FCHO2: variants seen among roughly 807,000 people sequenced by gnomAD.
FCHO2 encodes F-BAR domain only protein 2.
Under a neutral mutation model 114.1 loss-of-function variants are expected in FCHO2, and 43 were observed. The observed-to-expected ratio is 0.38, with a 90% CI of 0.30 to 0.49. FCHO2 has a LOEUF of 0.49. Ranked by LOEUF, FCHO2 falls within the 20% of genes least tolerant of loss-of-function variation. The probability of loss-of-function intolerance (pLI) is 0.97; values close to 1 mark genes in which losing one functional copy is unlikely to be tolerated. For missense variants in FCHO2, 807 were observed against 950.4 expected (o/e 0.85, Z 1.98); for synonymous variants, 293 against 315.2 (o/e 0.93, Z 0.75).
At chr5:73,010,069 G>C (rs1754923835) in intron 6 of FCHO2, among the ~76,000 whole-genome samples, 1 of 152,134 alleles carries the variant, frequency 6.6e-6, no homozygotes, top group Non-Finnish European at 1.5e-5. Flanking sequence ...TAGTTTAGAA[G>C]GGAAAGTAAT....
chr5:72,991,462 G>T (rs1753807433), intron 5 of FCHO2, among the ~76,000 whole-genome samples: 1 of 152,162 alleles, frequency 6.6e-6, no homozygotes, highest in Non-Finnish European at 1.5e-5. Flanking sequence ...TAACCATGAG[G>T]TAAAATTGTT....
At chr5:72,960,442 T>C (rs1252704716) in intron 1 of FCHO2, among the ~76,000 whole-genome samples, 2 of 152,178 alleles carry the variant, frequency 1.3e-5, no homozygotes, top group Non-Finnish European at 2.9e-5. Context: ...GCAAAAATAA[T>C]TTTACTAGTA....
rs1454525423 is a variant in FCHO2, at chr5:73,058,312, T to TA, written c.1254-119dup. On this transcript the variant is annotated intron_variant, in intron 16 of 25. Transcript: ENST00000430046. ...AGGTGTGAGCCATGGTGCCTGGCCC[T>TA]AACTTTTTAATTATGTATATTGAGC... The TA allele has an allele frequency of 1.8e-5, 11 of 620,994 alleles. No homozygotes were observed. The Admixed American group carries it at 1.8e-4, about 10-fold the overall frequency. 38.5% of individuals were successfully genotyped at this position (620,994 alleles called of 1,614,324 possible).
At chr5:73,028,975 T>C (rs971904321) in intron 8 of FCHO2, among the ~76,000 whole-genome samples, 3 of 152,112 alleles carry the variant, frequency 2.0e-5, no homozygotes, top group African/African-American at 4.8e-5. Context: ...TATATAACTT[T>C]CTAGAAAATG....
At position 72,996,836 on chromosome 5, in the gene FCHO2, G is replaced by A. The variant is rs528381365; in HGVS notation, c.495+5972G>A. The A allele has an allele frequency of 2.6e-5, 24 of 935,042 alleles. No individual in the cohort carries two copies. In the African/African-American group the frequency reaches 3.9e-4, roughly 15 times the overall value. 57.9% of individuals were successfully genotyped at this position (935,042 alleles called of 1,614,324 possible). On this transcript the variant is annotated intron_variant, in intron 5 of 25. Transcript: ENST00000430046. ...CTTAGGGCTGCCGTTCCCCCTCCCG[G>A]CAACGGGGGGCTGGCGGAGCTGTGC...
intron 20 of FCHO2, among the ~76,000 whole-genome samples, chr5:73,076,181 T>C (rs1161315090): frequency 6.6e-6 from 1 of 152,128 alleles, no homozygotes; most frequent in Non-Finnish European, 1.5e-5. Flanking sequence ...CTGATGCTGC[T>C]TGACAGGTCA....
At chr5:73,028,044 C>G (rs953171929) in intron 8 of FCHO2, among the ~76,000 whole-genome samples, 2 of 151,850 alleles carry the variant, frequency 1.3e-5, no homozygotes, top group Non-Finnish European at 2.9e-5. Context: ...CAAAAAAATA[C>G]AAAAATTAGG....
intron 10 of FCHO2, among the ~76,000 whole-genome samples, chr5:73,039,008 C>G (rs1407650289): frequency 6.6e-6 from 1 of 152,112 alleles, no homozygotes; most frequent in African/African-American, 2.4e-5. Flanking sequence ...GTTTTTAAAA[C>G]AGTTTTCCTT....
chr5:72,959,585 T>C (rs1751739659), intron 1 of FCHO2, among the ~76,000 whole-genome samples: 1 of 152,194 alleles, frequency 6.6e-6, no homozygotes, highest in Non-Finnish European at 1.5e-5. Context: ...AATTTAACTC[T>C]TCCCTCTAGC....
At chr5:73,027,355 C>A (rs1191915310) in intron 8 of FCHO2, among the ~76,000 whole-genome samples, 1 of 149,994 alleles carries the variant, frequency 6.7e-6, no homozygotes, top group African/African-American at 2.4e-5. Flanking sequence ...TATTTTCTCC[C>A]AGTCTGGCTT....
chr5:73,059,706 G>A (rs1580183237), intron 17 of FCHO2, among the ~76,000 whole-genome samples: 1 of 152,060 alleles, frequency 6.6e-6, no homozygotes, highest in Non-Finnish European at 1.5e-5. Flanking sequence ...CTTAATACTT[G>A]TAAAACAGCA....
chr5:73,034,266 C>T (rs749466423), intron 8 of FCHO2, among the ~76,000 whole-genome samples: 1 of 152,024 alleles, frequency 6.6e-6, no homozygotes, highest in East Asian at 1.9e-4. Flanking sequence ...TCTTGGTAGC[C>T]CTGTTCTTCC....
chr5:72,981,179 A>G (rs1753190554), intron 2 of FCHO2, among the ~76,000 whole-genome samples: 1 of 151,972 alleles, frequency 6.6e-6, no homozygotes, highest in African/African-American at 2.4e-5. Context: ...TCTGTAAAGG[A>G]TTTTATTTCT....
intron 10 of FCHO2, among the ~76,000 whole-genome samples, chr5:73,038,519 C>T (rs1756645973): frequency 1.3e-5 from 2 of 152,202 alleles, no homozygotes; most frequent in South Asian, 4.1e-4. Context: ...CCCAGCTTCC[C>T]TAGCATAATC....
intron 19 of FCHO2, 138 bp from the exon 20 acceptor site, chr5:73,074,604 C>G: frequency 2.8e-6 from 2 of 707,818 alleles, no homozygotes; most frequent in Middle Eastern, 3.1e-4. Context: ...TATTTCTTAG[C>G]CCCCAGATTT....
chr5:72,965,004 T>TA (rs547076357), intron 1 of FCHO2, among the ~76,000 whole-genome samples: 1,605 of 143,320 alleles, frequency 0.011, 18 homozygotes, highest in African/African-American at 0.029. Flanking sequence ...GTTATCAGAT[T>TA]AAAAAAAAAA....
At chr5:73,059,463 C>G (rs2112853844) in intron 17 of FCHO2, among the ~76,000 whole-genome samples, 1 of 152,194 alleles carries the variant, frequency 6.6e-6, no homozygotes, top group Admixed American at 6.5e-5. Flanking sequence ...GGTTTCAAAC[C>G]TGGCTCTTAC....
intron 1 of FCHO2, among the ~76,000 whole-genome samples, chr5:72,956,670 C>G (rs907847455): frequency 6.6e-6 from 1 of 152,190 alleles, no homozygotes; most frequent in African/African-American, 2.4e-5. Context: ...CCTCGCAGCT[C>G]GGCTCGTGGG....
At chr5:72,975,593 G>A (rs895278503) in intron 2 of FCHO2, among the ~76,000 whole-genome samples, 3 of 151,920 alleles carry the variant, frequency 2.0e-5, no homozygotes, top group African/African-American at 7.3e-5. Context: ...CAACCTCCCT[G>A]TCCTAAGTTC....
Sources: gnomAD v4.1 joint callset for allele counts (sites outside exome capture counted in the v4.1 genomes callset) on GRCh38, gnomAD v4.1.1 for gene constraint, MANE v1.5 for transcripts, NCBI Gene and HGNC (gene_info 2026-07-23, HGNC 2026-07-21) for gene names.